The following DYNC2I1 variants were observed in gnomAD, a reference collection of about 807,000 sequenced individuals.
The protein encoded by DYNC2I1 is cytoplasmic dynein 2 intermediate chain 1.
In DYNC2I1, 89 loss-of-function variants were observed where a neutral mutation model predicts 133.4. The observed-to-expected ratio is 0.67, with a 90% confidence interval of 0.56 to 0.80. The LOEUF (loss-of-function observed/expected upper bound fraction) is 0.80, where lower values mean the gene tolerates loss of function less well. DYNC2I1 is among the 30% of genes least tolerant of loss of function. The probability of loss-of-function intolerance (pLI) is 0.00; values close to 1 mark genes in which losing one functional copy is unlikely to be tolerated. For synonymous variants in DYNC2I1, 504 were observed against 484.3 expected (o/e 1.04, Z -0.54); for missense variants, 1,291 against 1,314.5 (o/e 0.98, Z 0.28).
chr7:158,871,663 TC>T, intron 3 of DYNC2I1, 101 bp downstream of exon 3: 1 of 1,287,392 alleles, frequency 7.8e-7, no homozygotes, highest in Non-Finnish European at 1.0e-6. Flanking sequence ...CTCCCCCGCT[TC>T]CCTCCTTCCC....
chr7:158,882,402 A>G (rs1454518695), intron 5 of DYNC2I1, among the ~76,000 whole-genome samples: 1 of 151,956 alleles, frequency 6.6e-6, no homozygotes, highest in East Asian at 1.9e-4. Flanking sequence ...TGAGAAATAT[A>G]GTGAGACCCC....
At chr7:158,921,064 C>G (rs1395326577) in intron 15 of DYNC2I1, among the ~76,000 whole-genome samples, 3 of 152,232 alleles carry the variant, frequency 2.0e-5, no homozygotes, top group Non-Finnish European at 4.4e-5. Flanking sequence ...GCAACTCTGC[C>G]CTCCTGAACT....
chr7:158,875,023 C>G (rs1477503746), intron 3 of DYNC2I1, among the ~76,000 whole-genome samples: 1 of 151,376 alleles, frequency 6.6e-6, no homozygotes, highest in Non-Finnish European at 1.5e-5. Flanking sequence ...CCTTGAAAAT[C>G]TACCTGTTCT....
chr7:158,842,741 A>G, the DYNC2I1 span, among the ~76,000 whole-genome samples: 1 of 152,242 alleles, frequency 6.6e-6, no homozygotes, highest in Non-Finnish European at 1.5e-5. Flanking sequence ...TTCTGCTCTT[A>G]ATTTCTGTAA....
Position 158,879,911 on chromosome 7 carries a change from T to C in DYNC2I1, c.801T>C (p.Phe267=). Residue 267 remains phenylalanine (F), a synonymous_variant, in exon 5 of 25, where the codon TTT becomes TTC. Coordinates refer to ENST00000407559, the MANE Select transcript of DYNC2I1 (RefSeq NM_018051.5). The part of the protein sequence containing the change: ...KEKRHKEGFH[F]DDERHQSNVD... ...AGCGACACAAAGAAGGTTTTCATTT[T>C]GATGATGAGAGGCACCAAAGCAACG... 2.5e-6 allele frequency: 4 copies of C among 1,612,964 alleles called. No homozygotes were observed. Among genetic ancestry groups the C allele is most frequent in the Non-Finnish European group, 2.5e-6 (3 of 1,179,630 alleles).
intron 8 of DYNC2I1, among the ~76,000 whole-genome samples, chr7:158,893,380 C>T (rs1174449392): frequency 6.6e-6 from 1 of 152,158 alleles, no homozygotes; most frequent in Non-Finnish European, 1.5e-5. Flanking sequence ...TTGAAAGTAT[C>T]GTGATTTGAA....
At chr7:158,883,573 G>A (rs1375251984) in intron 5 of DYNC2I1, among the ~76,000 whole-genome samples, 1 of 147,552 alleles carries the variant, frequency 6.8e-6, no homozygotes, top group Non-Finnish European at 1.5e-5. Flanking sequence ...TTTATTGTAA[G>A]CTTCCTCCAG....
rs78172685 is a variant in DYNC2I1 at position 158,876,102 on chromosome 7, G to A, written c.491-507G>A. 4.1e-3 allele frequency among the ~76,000 whole-genome samples: 617 copies of A among 152,308 alleles called. 1 individual carries two copies. The highest frequency in any genetic ancestry group is 5.8e-3 in the Non-Finnish European group (395 of 68,024). On this transcript the variant is annotated intron_variant, in intron 3 of 24. Transcript: ENST00000407559. Reference sequence around the variant, plus strand: ...GGTTTAATTGACTCACCATTGTGCGGGCTGTACAGGAAGCATGGCTGGAGA... The same window carrying A: ...GGTTTAATTGACTCACCATTGTGCGAGCTGTACAGGAAGCATGGCTGGAGA...
At chr7:158,851,877 A>G (rs1339582432), upstream of DYNC2I1, among the ~76,000 whole-genome samples, 2 of 152,198 alleles carry the variant, frequency 1.3e-5, no homozygotes, top group East Asian at 1.9e-4. Flanking sequence ...CCAGCAGAAT[A>G]GGTTCTTTCT....
downstream of DYNC2I1, among the ~76,000 whole-genome samples, chr7:158,946,719 C>T (rs746117872): frequency 2.0e-5 from 3 of 152,248 alleles, no homozygotes; most frequent in Non-Finnish European, 4.4e-5. Flanking sequence ...CAGGAGAGTT[C>T]TGGGGTGAGG....
intron 21 of DYNC2I1, among the ~76,000 whole-genome samples, chr7:158,931,593 A>G (rs1850223155): frequency 6.6e-6 from 1 of 152,034 alleles, no homozygotes; most frequent in African/African-American, 2.4e-5. Flanking sequence ...GGTGCATTGT[A>G]TTTATCTTTA....
At chr7:158,914,530 A>G (rs1023292603) in intron 14 of DYNC2I1, among the ~76,000 whole-genome samples, 16 of 152,260 alleles carry the variant, frequency 1.1e-4, no homozygotes, top group Admixed American at 4.6e-4. Flanking sequence ...GTAAATGTAT[A>G]TCACTGAAGT....
chr7:158,877,946 G>A (rs1843519553), intron 4 of DYNC2I1, among the ~76,000 whole-genome samples: 1 of 152,248 alleles, frequency 6.6e-6, no homozygotes. Context: ...CAGGGCTGGC[G>A]GAGCTTAGGC....
chr7:158,852,842 T>C (rs1055076730), upstream of DYNC2I1, among the ~76,000 whole-genome samples: 1 of 152,250 alleles, frequency 6.6e-6, no homozygotes, highest in African/African-American at 2.4e-5. Flanking sequence ...AATCCTTAGC[T>C]TAAAAGGTTT....
intron 8 of DYNC2I1, among the ~76,000 whole-genome samples, chr7:158,901,342 G>T (rs1233438370): frequency 1.3e-5 from 2 of 152,180 alleles, no homozygotes; most frequent in African/African-American, 4.8e-5. Context: ...AAAGTGCTGG[G>T]ATTAAAGGTG....
chr7:158,923,764 C>T (rs1849337538), intron 17 of DYNC2I1, 31 bp downstream of exon 17: 2 of 1,584,916 alleles, frequency 1.3e-6, no homozygotes, highest in Admixed American at 3.7e-5. Context: ...AATTGTGTGT[C>T]TGCTAGAAAA....
In DYNC2I1 at chr7:158,884,652, C is replaced by T. The variant is rs771087301; in HGVS notation, c.935+33C>T. 47 of 1,608,270 alleles carry T rather than the reference C, an allele frequency of 2.9e-5. No homozygotes were observed. In the South Asian group the frequency reaches 3.2e-4, roughly 11 times the overall value. Reference sequence around the variant, plus strand: ...TTGCATGCCCTGTGGTCGACCTTTACGTGTGCCGCTCTCATGGAATGCTTC... The same window carrying T: ...TTGCATGCCCTGTGGTCGACCTTTATGTGTGCCGCTCTCATGGAATGCTTC... On this transcript the variant is annotated intron_variant, in intron 6 of 24. Coordinates refer to ENST00000407559, the MANE Select transcript of DYNC2I1 (RefSeq NM_018051.5).
chr7:158,910,856 C>T (rs1847374656), intron 11 of DYNC2I1, among the ~76,000 whole-genome samples: 1 of 141,568 alleles, frequency 7.1e-6, no homozygotes, highest in Admixed American at 7.0e-5. Context: ...GGCCTGTGGG[C>T]GGAGGGCGAT....
intron 7 of DYNC2I1, among the ~76,000 whole-genome samples, chr7:158,887,838 A>T (rs1844757905): frequency 6.6e-6 from 1 of 152,208 alleles, no homozygotes; most frequent in South Asian, 2.1e-4. Context: ...TGTGACATGT[A>T]TTTATGCACA....
Sources: gnomAD v4.1 joint callset for allele counts (sites outside exome capture counted in the v4.1 genomes callset) on GRCh38, gnomAD v4.1.1 for gene constraint, MANE v1.5 for transcripts, NCBI Gene and HGNC (gene_info 2026-07-23, HGNC 2026-07-21) for gene names.